The following FRY variants were observed in gnomAD, a reference collection of about 807,000 sequenced individuals.
The protein encoded by FRY is FRY microtubule binding protein.
FRY carries 128 observed loss-of-function variants against 348.4 expected under a neutral mutation model. The observed-to-expected ratio is 0.37, with a 90% CI of 0.32 to 0.43. FRY has a LOEUF of 0.43. Ranked by LOEUF, FRY falls within the 20% of genes least tolerant of loss-of-function variation. FRY has a pLI of 1.00. For synonymous variants in FRY, 1,370 were observed against 1,374.7 expected (o/e 1.00, Z 0.08); for missense variants, 2,736 against 3,695.2 (o/e 0.74, Z 6.73).
chr13:32,076,694 AG>A (rs926960237), intron 1 of FRY, among the ~76,000 whole-genome samples: 2 of 152,218 alleles, frequency 1.3e-5, no homozygotes, highest in African/African-American at 4.8e-5. Flanking sequence ...AAATAAAGTC[AG>A]GGGACATTTT....
intron 51 of FRY, chr13:32,257,904 A>G: frequency 6.9e-7 from 1 of 1,442,476 alleles, no homozygotes; most frequent in South Asian, 1.1e-5. Flanking sequence ...AGTATCTTTA[A>G]TATAATCATT....
In FRY at chr13:32,294,500, A is replaced by T; in HGVS notation, c.8713A>T (p.Ile2905Phe). The change falls in exon 60 of 61, where the codon ATC (isoleucine) becomes TTC (phenylalanine). Residue 2905 changes from isoleucine to phenylalanine, a missense_variant. Ile to Phe is a conservative substitution (Grantham distance 21). Coordinates refer to ENST00000542859, the MANE Select transcript of FRY (RefSeq NM_023037.3). ...EPTFTSTEAA[I>F]QSMLECLKNN... ...CACCTTCACGTCCACTGAAGCAGCC[A>T]TCCAGTCCATGCTGGAGTGCCTGAA... The T allele has an allele frequency of 1.2e-6, 2 of 1,614,178 alleles. No individual in the cohort carries two copies. Among genetic ancestry groups the T allele is most frequent in the Non-Finnish European group, 1.7e-6 (2 of 1,179,988 alleles).
chr13:32,278,315 C>G (rs1395567297), intron 57 of FRY, 150 bp from the exon 58 acceptor site: 4 of 648,270 alleles, frequency 6.2e-6, no homozygotes, highest in African/African-American at 1.8e-5. Flanking sequence ...CTTTAACCCC[C>G]AAATACGACC....
At chr13:32,054,479 C>G (rs1392535853) in intron 1 of FRY, among the ~76,000 whole-genome samples, 1 of 151,948 alleles carries the variant, frequency 6.6e-6, no homozygotes, top group Non-Finnish European at 1.5e-5. Context: ...TGAAGTGAGA[C>G]CTTGCATTAG....
chr13:32,073,197 G>C (rs903112657), intron 1 of FRY, among the ~76,000 whole-genome samples: 22 of 152,220 alleles, frequency 1.4e-4, no homozygotes, highest in African/African-American at 5.1e-4. Flanking sequence ...ACTTTGTACA[G>C]GAAGATGGGA....
chr13:32,203,451 C>T (rs1884164876), intron 31 of FRY, among the ~76,000 whole-genome samples: 1 of 152,138 alleles, frequency 6.6e-6, no homozygotes, highest in Admixed American at 6.5e-5. Context: ...TCAGGCCGGG[C>T]GTGGTGGCTC....
intron 3 of FRY, among the ~76,000 whole-genome samples, chr13:32,110,951 T>C (rs407912): frequency 0.64 from 97,809 of 152,076 alleles, 31,484 homozygotes; most frequent in South Asian, 0.69. Flanking sequence ...TGGCATTTCA[T>C]GAGGAACAGC....
At position 32,202,516 on chromosome 13, in the gene FRY, C is replaced by G; in HGVS notation, c.4007C>G (p.Pro1336Arg). The G allele has an allele frequency of 6.2e-7, 1 of 1,613,112 alleles. No individual in the cohort carries two copies. The highest frequency in any genetic ancestry group is 8.5e-7 in the Non-Finnish European group (1 of 1,179,112). Residue 1336 changes from proline (P) to arginine (R), a missense_variant, in exon 31 of 61, where the codon CCC (proline) becomes CGC (arginine). Pro to Arg is a moderately radical substitution (Grantham distance 103). Coordinates refer to ENST00000542859, the MANE Select transcript of FRY (RefSeq NM_023037.3). Reference sequence around the variant, plus strand: ...AGGATGTACCCTGAGCTCACACTCCCCCTCTTCTCAGGTACCAGGCAATAG... The same window carrying G: ...AGGATGTACCCTGAGCTCACACTCCGCCTCTTCTCAGGTACCAGGCAATAG... ...LARMYPELTLPLFSEVSQRFP... is the reference protein window; with the variant it reads ...LARMYPELTLRLFSEVSQRFP...
At position 32,041,819 on chromosome 13, in the gene FRY, G is replaced by A. The variant is rs192736751; in HGVS notation, c.70+9954G>A. 2.8e-4 allele frequency among the ~76,000 whole-genome samples: 42 copies of A among 152,282 alleles called. 2 individuals are homozygous for A. The East Asian group carries it at 7.3e-3, about 27-fold the overall frequency. On this transcript the variant is annotated intron_variant, in intron 1 of 60. Transcript: ENST00000542859. ...TTTTATGTTTCATTTATAAGAAACC[G>A]CCAGTGCTTATCATTACAGGAAAGC...
chr13:32,065,315 T>A lies in FRY; in HGVS notation c.71-13519T>A, dbSNP rs12020090. 5.4e-3 allele frequency among the ~76,000 whole-genome samples: 822 copies of A among 151,866 alleles called. 11 individuals carry two copies. The highest frequency in any genetic ancestry group is 0.019 in the African/African-American group (767 of 41,438). Reference sequence around the variant, plus strand: ...TTCTTTCACTCTAATTAAAAAAAAATTTTTTTTTGAGACAGAGTTTTACTC... The same window carrying A: ...TTCTTTCACTCTAATTAAAAAAAAAATTTTTTTTGAGACAGAGTTTTACTC... On this transcript the variant is annotated intron_variant, in intron 1 of 60. Transcript: ENST00000542859.
At chr13:32,056,856 A>G (rs1873653980) in intron 1 of FRY, among the ~76,000 whole-genome samples, 1 of 152,222 alleles carries the variant, frequency 6.6e-6, no homozygotes, top group Non-Finnish European at 1.5e-5. Flanking sequence ...CCATTTTATT[A>G]CTGAAATATT....
At chr13:32,134,831 A>G in intron 8 of FRY, 73 bp from the exon 9 acceptor site, 1 of 915,780 alleles carries the variant, frequency 1.1e-6, no homozygotes, top group South Asian at 1.3e-5. Context: ...TACTTACTGA[A>G]ACTTGTTTAA....
At chr13:32,114,034 A>G (rs1049952639) in intron 3 of FRY, among the ~76,000 whole-genome samples, 1 of 152,222 alleles carries the variant, frequency 6.6e-6, no homozygotes, top group Non-Finnish European at 1.5e-5. Flanking sequence ...TCTGATGAAC[A>G]CTGTGGAAGT....
chr13:32,148,735 A>C (rs958515156), intron 13 of FRY, among the ~76,000 whole-genome samples: 9 of 152,230 alleles, frequency 5.9e-5, no homozygotes, highest in Non-Finnish European at 1.0e-4. Context: ...TTGTGTGCTT[A>C]AAAGGAAATA....
chr13:32,187,097 T>G (rs970411465), intron 27 of FRY, among the ~76,000 whole-genome samples: 13 of 152,232 alleles, frequency 8.5e-5, no homozygotes, highest in African/African-American at 2.9e-4. Flanking sequence ...ATTATAATTA[T>G]TTACTTTCAT....
intron 3 of FRY, among the ~76,000 whole-genome samples, chr13:32,102,944 G>C (rs1471645011): frequency 1.3e-5 from 2 of 152,192 alleles, no homozygotes; most frequent in Non-Finnish European, 2.9e-5. Context: ...AACCACACAG[G>C]GTGTACACTT....
At chr13:32,215,237 T>C (rs931525748) in intron 35 of FRY, among the ~76,000 whole-genome samples, 3 of 152,184 alleles carry the variant, frequency 2.0e-5, no homozygotes, top group African/African-American at 7.2e-5. Flanking sequence ...AAGTTAACAG[T>C]AATCTATGAA....
chr13:32,274,728 AATC>A, intron 55 of FRY, 111 bp from the exon 56 acceptor site: 7 of 619,364 alleles, frequency 1.1e-5, no homozygotes, highest in Non-Finnish European at 2.0e-5. Flanking sequence ...AAAAAAAAAA[AATC>A]AGTTAATGTA....
At chr13:32,138,345 C>T (rs1444343063) in intron 11 of FRY, among the ~76,000 whole-genome samples, 1 of 151,914 alleles carries the variant, frequency 6.6e-6, no homozygotes, top group Admixed American at 6.6e-5. Flanking sequence ...TCTGTATATT[C>T]TATGTTTAAT....
Sources: gnomAD v4.1 joint callset for allele counts (sites outside exome capture counted in the v4.1 genomes callset) on GRCh38, gnomAD v4.1.1 for gene constraint, MANE v1.5 for transcripts, NCBI Gene and HGNC (gene_info 2026-07-23, HGNC 2026-07-21) for gene names.